The following ABI1 variants were observed in gnomAD, a reference collection of about 807,000 sequenced individuals.
ABI1 encodes the protein abl interactor 1.
Under a neutral mutation model 54.6 loss-of-function variants are expected in ABI1, and 14 were observed. That is an observed-to-expected ratio of 0.26 (90% CI 0.17 to 0.40). The LOEUF (loss-of-function observed/expected upper bound fraction) is 0.40, where lower values mean the gene tolerates loss of function less well. ABI1 is among the 10% of genes least tolerant of loss of function. The pLI, the probability that ABI1 is intolerant of heterozygous loss-of-function variation, is 1.00. For synonymous variants in ABI1, 194 were observed against 209.3 expected (o/e 0.93, Z 0.63); for missense variants, 443 against 598.3 (o/e 0.74, Z 2.71).
chr10:26,833,719 C>T lies in ABI1; in HGVS notation c.118-10414G>A, dbSNP rs550615890. Among the ~76,000 whole-genome samples the T allele has an allele frequency of 1.1e-4, 15 of 141,438 alleles. No homozygotes were observed. The South Asian group carries it at 3.6e-3, about 34-fold the overall frequency. The allele number at this position is 141,438 out of a possible 152,430, so 92.8% of individuals were successfully genotyped here. On this transcript the variant is annotated intron_variant, in intron 1 of 10. Coordinates refer to ENST00000376140, the MANE Select transcript of ABI1 (RefSeq NM_001012750.3). ...AGAATATAGCTTGGGCAAATACTCT[C>T]ACGTACTACTAAAAAAAATACAATC... is the stretch of plus-strand genomic sequence containing the variant.
At chr10:26,813,051 C>T (rs2133598130) in intron 2 of ABI1, among the ~76,000 whole-genome samples, 1 of 152,104 alleles carries the variant, frequency 6.6e-6, no homozygotes, top group South Asian at 2.1e-4. Context: ...GAGTTCAAGA[C>T]CAGCCTGGTC....
At chr10:26,820,968 T>C (rs999409048) in intron 2 of ABI1, among the ~76,000 whole-genome samples, 3 of 149,616 alleles carry the variant, frequency 2.0e-5, no homozygotes, top group African/African-American at 7.5e-5. Context: ...TAAGGCTGGG[T>C]GTGGTGGCTC....
rs1841494397 is a variant in ABI1 at position 26,777,038 on chromosome 10, C to T, written c.462+27G>A. 6.6e-6 allele frequency: 10 copies of T among 1,518,372 alleles called. No homozygotes were observed. The East Asian group carries it at 2.1e-4, about 32-fold the overall frequency. 94.1% of individuals were successfully genotyped at this position (1,518,372 alleles called of 1,614,324 possible). ...AATATTTACTGGATATGCAAATTAG[C>T]TTGTTAATGTAATATAAAATGCTTA... On this transcript the variant is annotated intron_variant, in intron 3 of 10. Transcript: ENST00000376140.
At position 26,787,753 on chromosome 10, in the gene ABI1, A is replaced by G. The variant is rs183930415; in HGVS notation, c.286-10512T>C. Among the ~76,000 whole-genome samples, 480 of 152,222 alleles carry G rather than the reference A, an allele frequency of 3.2e-3. 1 individual carries two copies. Among genetic ancestry groups the G allele is most frequent in the Non-Finnish European group, 5.0e-3 (339 of 68,012 alleles). On this transcript the variant is annotated intron_variant, in intron 2 of 10. Transcript: ENST00000376140. Reference sequence around the variant, plus strand: ...AAAAGCAGCAGTCTGACATTAAAAAACAATAAGCTTTTAGTCTTAATATAT... The same window carrying G: ...AAAAGCAGCAGTCTGACATTAAAAAGCAATAAGCTTTTAGTCTTAATATAT...
chr10:26,828,273 G>A (rs924562099), intron 1 of ABI1, among the ~76,000 whole-genome samples: 4 of 152,128 alleles, frequency 2.6e-5, no homozygotes, highest in Admixed American at 6.5e-5. Flanking sequence ...GCAGTTTGTG[G>A]TGCCCCAAAA....
At chr10:26,778,477 T>C (rs934507747) in intron 2 of ABI1, among the ~76,000 whole-genome samples, 15 of 142,166 alleles carry the variant, frequency 1.1e-4, no homozygotes, top group African/African-American at 3.9e-4. Context: ...GAGGCCAGGA[T>C]ATGAACTGAA....
chr10:26,840,204 G>C (rs1405886432), intron 1 of ABI1, among the ~76,000 whole-genome samples: 1 of 152,088 alleles, frequency 6.6e-6, no homozygotes, highest in Non-Finnish European at 1.5e-5. Flanking sequence ...GAATGGCTTG[G>C]GGTCCTCAGG....
chr10:26,860,789 G>A lies in ABI1; in HGVS notation c.75C>T (p.Asn25=), dbSNP rs145332216. The stretch of plus-strand genomic sequence containing the variant: ...CACAGTAGTCTGCCACCCGAGTCAG[G>A]TTCTGGTAACTCTCGATCAGCGCCC... The part of the protein sequence containing the change: ...GKRALIESYQ[N]LTRVADYCEN... Residue 25 remains asparagine (N), a synonymous_variant, in exon 1 of 11, where the codon AAC becomes AAT. Coordinates refer to ENST00000376140, the MANE Select transcript of ABI1 (RefSeq NM_001012750.3). The surrounding 1 kb of genome is among the most constrained non-coding windows in gnomAD (Gnocchi z 4.1). 8.7e-6 allele frequency: 14 copies of A among 1,614,052 alleles called. No homozygotes were observed. In the African/African-American group the frequency reaches 1.9e-4, roughly 22 times the overall value.
At chr10:26,791,106 T>C (rs1174145609) in intron 2 of ABI1, among the ~76,000 whole-genome samples, 1 of 132,702 alleles carries the variant, frequency 7.5e-6, no homozygotes, top group Non-Finnish European at 1.6e-5. Flanking sequence ...GCGAATATAA[T>C]ACAAGTGGAA....
rs1554831138 is a variant in ABI1, at chr10:26,839,663, A to AT, written c.118-16359_118-16358insA. ...AAGTACTTCTGTTTAAAAAAAAAAAAAAACATGCCAGGCTTGGTGGCTCAC... is the reference window on the plus strand; with the variant it reads ...AAGTACTTCTGTTTAAAAAAAAAAAATAAACATGCCAGGCTTGGTGGCTCAC... On this transcript the variant is annotated intron_variant, in intron 1 of 10. Transcript: ENST00000376140. 3,778 of 567,800 alleles carry AT rather than the reference A, an allele frequency of 6.7e-3. 4 individuals carry two copies. The highest frequency in any genetic ancestry group is 0.02 in the African/African-American group (687 of 34,102). 35.2% of individuals were successfully genotyped at this position (567,800 alleles called of 1,614,324 possible).
intron 2 of ABI1, among the ~76,000 whole-genome samples, chr10:26,791,618 C>T (rs558596948): frequency 1.1e-4 from 16 of 151,892 alleles, no homozygotes; most frequent in Admixed American, 4.6e-4. Context: ...TATTGAGATA[C>T]GAAGCCATAG....
chr10:26,760,964 G>A (rs560203739), intron 7 of ABI1, among the ~76,000 whole-genome samples: 1 of 149,388 alleles, frequency 6.7e-6, no homozygotes, highest in East Asian at 2.0e-4. Context: ...TTTATTTTGG[G>A]TAAAGAGTCT....
chr10:26,850,126 G>A (rs188900694), intron 1 of ABI1, among the ~76,000 whole-genome samples: 4 of 152,276 alleles, frequency 2.6e-5, no homozygotes, highest in Admixed American at 2.6e-4. Flanking sequence ...AAAATGAACA[G>A]ATTAACTGCA....
At chr10:26,858,904 T>C (rs1248468084) in intron 1 of ABI1, among the ~76,000 whole-genome samples, 1 of 152,198 alleles carries the variant, frequency 6.6e-6, no homozygotes, top group African/African-American at 2.4e-5. Context: ...ATGAAGCACT[T>C]ATCTACTGAC....
At chr10:26,816,735 AAG>A (rs771122125) in intron 2 of ABI1, among the ~76,000 whole-genome samples, 8 of 152,196 alleles carry the variant, frequency 5.3e-5, no homozygotes, top group Non-Finnish European at 8.8e-5. Flanking sequence ...TTATAACAAA[AAG>A]AGAGATTTTA....
rs1836962432 is a variant in ABI1 at position 26,746,731 on chromosome 10, T to C, written c.*1839A>G. On this transcript the variant is annotated 3_prime_UTR_variant, in exon 11 of 11. Coordinates refer to ENST00000376140, the MANE Select transcript of ABI1 (RefSeq NM_001012750.3). ...GGTATCTTGATGGTTATATGTGGTA[T>C]TGTTTACACTGTTAATATCCACATG... is the stretch of plus-strand genomic sequence containing the variant. The C allele has an allele frequency of 1.3e-5, 6 of 479,330 alleles. No individual in the cohort carries two copies. Among genetic ancestry groups the C allele is most frequent in the Non-Finnish European group, 2.3e-5 (6 of 261,690 alleles). The allele number at this position is 479,330 out of a possible 1,614,324, so 29.7% of individuals were successfully genotyped here. A position where few individuals can be genotyped will look rare whatever the true frequency, so the allele number is the denominator to read the frequency against.
intron 2 of ABI1, among the ~76,000 whole-genome samples, chr10:26,804,381 T>TTAA (rs1564520718): frequency 1.4e-5 from 2 of 138,580 alleles, no homozygotes; most frequent in African/African-American, 5.3e-5. Flanking sequence ...AGGCTCTATT[T>TTAA]AAAAAAAAAA....
At chr10:26,786,468 C>T (rs1212701648) in intron 2 of ABI1, among the ~76,000 whole-genome samples, 1 of 152,040 alleles carries the variant, frequency 6.6e-6, no homozygotes, top group Non-Finnish European at 1.5e-5. Flanking sequence ...GATTTGCCCG[C>T]CTCGGCCTCC....
At chr10:26,809,099 G>A (rs1191322712) in intron 2 of ABI1, among the ~76,000 whole-genome samples, 4 of 151,784 alleles carry the variant, frequency 2.6e-5, no homozygotes, top group South Asian at 2.1e-4. Context: ...GTGAAACCTC[G>A]TCTCTACCAA....
Sources: allele counts gnomAD v4.1 joint callset (sites outside exome capture counted in the v4.1 genomes callset), GRCh38; gene constraint gnomAD v4.1.1; non-coding constraint Gnocchi (gnomAD v3.1); transcripts MANE v1.5; gene names NCBI Gene and HGNC (gene_info 2026-07-23, HGNC 2026-07-21).